SDK2: variants seen among roughly 807,000 people sequenced by gnomAD.
SDK2 encodes sidekick cell adhesion molecule 2.
SDK2 carries 105 observed loss-of-function variants against 253.9 expected under a neutral mutation model. The observed-to-expected ratio is 0.41, with a 90% CI of 0.35 to 0.49. The LOEUF (loss-of-function observed/expected upper bound fraction) is 0.49. Among genes scored for constraint, SDK2 ranks in the 20% least tolerant of loss-of-function variants. The pLI is 0.06. For missense variants in SDK2, 2,608 were observed against 3,003.0 expected (o/e 0.87, Z 3.07); for synonymous variants, 1,249 against 1,234.9 (o/e 1.01, Z -0.24).
intron 38 of SDK2, 147 bp downstream of exon 38, chr17:73,365,111 C>T (rs1281115344): frequency 3.7e-6 from 2 of 535,498 alleles, no homozygotes; most frequent in East Asian, 6.9e-5. Context: ...TGCACTTTCC[C>T]TTGTCTGGGA....
chr17:73,395,418 C>G lies in SDK2; in HGVS notation c.3355-26G>C, dbSNP rs539953066. The G allele has an allele frequency of 6.3e-7, 1 of 1,593,078 alleles. No homozygotes were observed. Among genetic ancestry groups the G allele is most frequent in the African/African-American group, 1.3e-5 (1 of 74,592 alleles). On this transcript the variant is annotated intron_variant, in intron 24 of 44. Transcript: ENST00000392650. The surrounding 1 kb of genome is among the most constrained non-coding windows in gnomAD (Gnocchi z 4.3). ...CTGCAGCGGGGCAGGGGTGGCAAAGCTGCTATGAGCCAGGCCCCCCACTGT... is the reference window on the plus strand; with the variant it reads ...CTGCAGCGGGGCAGGGGTGGCAAAGGTGCTATGAGCCAGGCCCCCCACTGT...
At chr17:73,579,913 G>A (rs2045510248) in intron 1 of SDK2, among the ~76,000 whole-genome samples, 1 of 151,976 alleles carries the variant, frequency 6.6e-6, no homozygotes, top group African/African-American at 2.4e-5. Context: ...GGGAGGTGGA[G>A]GTGGCAGTGA....
chr17:73,641,985 G>A (rs1258514456), intron 1 of SDK2, among the ~76,000 whole-genome samples: 10 of 152,158 alleles, frequency 6.6e-5, no homozygotes, highest in Admixed American at 2.0e-4. Flanking sequence ...CAGAGAACAC[G>A]AGCGGAGCAG....
chr17:73,541,677 T>C lies in SDK2; in HGVS notation c.65-34080A>G, dbSNP rs1426416030. 2.0e-5 allele frequency among the ~76,000 whole-genome samples: 3 copies of C among 152,134 alleles called. No individual in the cohort carries two copies. Among genetic ancestry groups the C allele is most frequent in the Non-Finnish European group, 4.4e-5 (3 of 68,026 alleles). The stretch of plus-strand genomic sequence containing the variant: ...TTGCCTGCTTTTGTTTGGTTTGATA[T>C]GAAAATGAGTTTGCCCAGAATGCAC... On this transcript the variant is annotated intron_variant, in intron 1 of 44. Transcript: ENST00000392650. The surrounding 1 kb of genome is among the most constrained non-coding windows in gnomAD (Gnocchi z 4.3).
At chr17:73,408,077 A>T in intron 18 of SDK2, among the ~76,000 whole-genome samples, 1 of 117,016 alleles carries the variant, frequency 8.5e-6, no homozygotes, top group Non-Finnish European at 1.7e-5. Context: ...TTTGAGACAG[A>T]GTCTGGCTCT....
At chr17:73,628,892 C>A (rs1008270091) in intron 1 of SDK2, among the ~76,000 whole-genome samples, 1 of 152,206 alleles carries the variant, frequency 6.6e-6, no homozygotes, top group Non-Finnish European at 1.5e-5. Context: ...GGTGGCTACC[C>A]AGATGTGGAT....
intron 37 of SDK2, among the ~76,000 whole-genome samples, chr17:73,368,132 T>A (rs1196256401): frequency 6.6e-6 from 1 of 151,238 alleles, no homozygotes. Context: ...GGGCTGGGGG[T>A]GCTGACTGTC....
chr17:73,373,452 T>G (rs1568370402), intron 36 of SDK2, among the ~76,000 whole-genome samples: 1 of 152,224 alleles, frequency 6.6e-6, no homozygotes, highest in East Asian at 1.9e-4. Context: ...TTATCCATAA[T>G]GGCTGTACTG....
At chr17:73,611,054 G>C (rs1048160955) in intron 1 of SDK2, among the ~76,000 whole-genome samples, 1 of 152,214 alleles carries the variant, frequency 6.6e-6, no homozygotes, top group African/African-American at 2.4e-5. Context: ...ATTGCATTTT[G>C]CTAGAAATCC....
At position 73,388,018 on chromosome 17, in the gene SDK2, G is replaced by C; in HGVS notation, c.4212C>G (p.Ser1404Arg). 6.4e-7 allele frequency: 1 copy of C among 1,567,624 alleles called. No homozygotes were observed. Among genetic ancestry groups the C allele is most frequent in the Non-Finnish European group, 8.6e-7 (1 of 1,157,150 alleles). ...TEKRDRPQPP[S>R]RPMVQQEDVR... ...CATCCTCCTGCTGCACCATCGGCCT[G>C]CTGGGGGGCTGCGGACGGTCTGGGA... is the stretch of plus-strand genomic sequence containing the variant. Residue 1404 changes from serine (S) to arginine (R), a missense_variant, in exon 30 of 45, where the codon AGC becomes AGG. Ser to Arg is a moderately radical substitution (Grantham distance 110, BLOSUM62 -1). Coordinates refer to ENST00000392650, the MANE Select transcript of SDK2 (RefSeq NM_001144952.2).
chr17:73,449,243 T>G (rs904496615), intron 4 of SDK2, among the ~76,000 whole-genome samples: 4 of 152,206 alleles, frequency 2.6e-5, no homozygotes, highest in African/African-American at 4.8e-5. Context: ...ATTCTCCCAA[T>G]GACAAACAAA....
chr17:73,641,524 C>G (rs11077697), intron 1 of SDK2, among the ~76,000 whole-genome samples: 4 of 152,092 alleles, frequency 2.6e-5, no homozygotes, highest in Non-Finnish European at 5.9e-5. Flanking sequence ...GGGCATACGG[C>G]CAATGGTCAA....
intron 1 of SDK2, among the ~76,000 whole-genome samples, chr17:73,535,483 T>G (rs377239255): frequency 6.6e-6 from 1 of 152,206 alleles, no homozygotes; most frequent in South Asian, 2.1e-4. Flanking sequence ...CTGGGGAACA[T>G]AGACTGTTTC....
At chr17:73,538,721 G>A (rs1025200600) in intron 1 of SDK2, among the ~76,000 whole-genome samples, 3 of 152,172 alleles carry the variant, frequency 2.0e-5, no homozygotes, top group Non-Finnish European at 4.4e-5. Context: ...TCAGGGTAGA[G>A]GAGAGGAAGA....
Position 73,615,280 on chromosome 17 carries a change from G to A in SDK2, c.64+28745C>T, listed in dbSNP as rs151284338. On this transcript the variant is annotated intron_variant, in intron 1 of 44. Coordinates refer to ENST00000392650, the MANE Select transcript of SDK2 (RefSeq NM_001144952.2). Reference sequence around the variant, plus strand: ...ATGCATTTGAGGCCCCAGAAGTAAAGTAAGTTGTCAGAGGCCCCTGAATTG... The same window carrying A: ...ATGCATTTGAGGCCCCAGAAGTAAAATAAGTTGTCAGAGGCCCCTGAATTG... Among the ~76,000 whole-genome samples the A allele has an allele frequency of 5.9e-5, 9 of 152,320 alleles. 1 individual carries two copies. In the East Asian group the frequency reaches 1.7e-3, roughly 29 times the overall value.
intron 43 of SDK2, 55 bp downstream of exon 43, chr17:73,350,182 T>TCCCACCTGGGCACTGCTGGGCCTGGCC: frequency 7.4e-6 from 1 of 135,534 alleles, no homozygotes; most frequent in Non-Finnish European, 1.2e-5. Context: ...CCCAGCATTC[T>TCCCACCTGGGCACTGCTGGGCCTGGCC]CCCCACCTGG....
chr17:73,528,780 G>A (rs1016327528), intron 1 of SDK2, among the ~76,000 whole-genome samples: 2 of 152,192 alleles, frequency 1.3e-5, no homozygotes, highest in Non-Finnish European at 2.9e-5. Flanking sequence ...TTTATCCCCT[G>A]ATGGTCGAAG....
intron 2 of SDK2, among the ~76,000 whole-genome samples, chr17:73,483,691 ATATATATATATATATATTTTTT>A (rs2063751105): frequency 1.4e-5 from 1 of 69,152 alleles, no homozygotes; most frequent in African/African-American, 6.0e-5. Flanking sequence ...ATTTATATAT[ATATATATATATATATATTTTTT>A]TTTTTTTTTA....
intron 36 of SDK2, among the ~76,000 whole-genome samples, chr17:73,376,690 C>G (rs2062784430): frequency 6.6e-6 from 1 of 152,062 alleles, no homozygotes; most frequent in South Asian, 2.1e-4. Context: ...ACTTACAAGC[C>G]TCGACAGTCT....
Sources: gnomAD v4.1 joint callset for allele counts (sites outside exome capture counted in the v4.1 genomes callset) on GRCh38, gnomAD v4.1.1 for gene constraint, Gnocchi (gnomAD v3.1) non-coding constraint, MANE v1.5 for transcripts, NCBI Gene and HGNC (gene_info 2026-07-23, HGNC 2026-07-21) for gene names.